DIMT1: variants seen among roughly 807,000 people sequenced by gnomAD.
DIMT1 encodes DIM1 rRNA methyltransferase and ribosome maturation factor.
A neutral mutation model predicts 43.2 loss-of-function variants in DIMT1; 36 were observed. The ratio of observed to expected loss-of-function variants is 0.83; its 90% CI spans 0.64 to 1.10. The LOEUF is 1.10. Ranked by LOEUF, DIMT1 falls within the 50% of genes least tolerant of loss-of-function variation. The pLI is 0.00. For synonymous variants in DIMT1, 126 were observed against 130.3 expected, an observed-to-expected ratio of 0.97 and a Z score of 0.22; for missense variants, 341 against 385.3, an observed-to-expected ratio of 0.88 and a Z score of 0.96.
chr5:62,390,695 C>T (rs1457906267), intron 11 of DIMT1, among the ~76,000 whole-genome samples, 181 bp downstream of exon 11: 1 of 152,106 alleles, frequency 6.6e-6, no homozygotes, highest in East Asian at 1.9e-4. Context: ...AGAAAATGTT[C>T]ATTCTGCTGC....
intron 8 of DIMT1, 65 bp from the exon 9 acceptor site, chr5:62,393,055 G>A: frequency 1.9e-6 from 2 of 1,064,914 alleles, no homozygotes; most frequent in South Asian, 1.4e-5. Flanking sequence ...TGCCCACTAG[G>A]TATTATTTTG....
In DIMT1 at chr5:62,392,936, C is replaced by T. The variant is rs1561289261; in HGVS notation, c.718G>A (p.Ala240Thr). The change falls in exon 9 of 12, where the codon GCT becomes ACT. Residue 240 changes from alanine (A) to threonine (T), a missense_variant. Transcript: ENST00000199320. ...TAGTGTAATACTTACTTAAATGCAG[C>T]AGAGAGTGTCTTGTTTTTCCTAACA... ...TFVRKNKTLS[A>T]AFKSSAVQQL... is the part of the protein sequence containing the mutation. 1 of 1,607,236 alleles carries T rather than the reference C, an allele frequency of 6.2e-7. No individual in the cohort carries two copies. The highest frequency in any genetic ancestry group is 1.7e-5 in the Admixed American group (1 of 59,950).
rs540674586 is a variant in DIMT1 at position 62,396,418 on chromosome 5, G to A, written c.447-1811C>T. On this transcript the variant is annotated intron_variant, in intron 6 of 11. Coordinates refer to ENST00000199320, the MANE Select transcript of DIMT1 (RefSeq NM_014473.4). Reference sequence around the variant, plus strand: ...AGCTACTTGGGAGGCTGAGGTGGGAGGAATGCTTGAGCCCAGGAAGTGGAG... The same window carrying A: ...AGCTACTTGGGAGGCTGAGGTGGGAAGAATGCTTGAGCCCAGGAAGTGGAG... Among the ~76,000 whole-genome samples, 3 of 152,208 alleles carry A rather than the reference G, an allele frequency of 2.0e-5. No individual in the cohort carries two copies. The South Asian group carries it at 6.2e-4, about 32-fold the overall frequency.
chr5:62,396,038 A>G (rs1742474532), intron 6 of DIMT1, among the ~76,000 whole-genome samples: 1 of 151,702 alleles, frequency 6.6e-6, no homozygotes, highest in Non-Finnish European at 1.5e-5. Flanking sequence ...ATTCAACATA[A>G]GCTCCATCAA....
At chr5:62,402,683 G>A (rs368953243) in intron 2 of DIMT1, among the ~76,000 whole-genome samples, 3 of 152,024 alleles carry the variant, frequency 2.0e-5, no homozygotes, top group Non-Finnish European at 4.4e-5. Context: ...CAAATGACAC[G>A]AAGCCTGACA....
intron 6 of DIMT1, among the ~76,000 whole-genome samples, chr5:62,396,002 A>G (rs1742473679): frequency 6.6e-6 from 1 of 152,100 alleles, no homozygotes; most frequent in Non-Finnish European, 1.5e-5. Context: ...AGAAAAAGAA[A>G]AAAAAGAAAA....
chr5:62,403,548 G>C (rs1198552548), intron 1 of DIMT1, 146 bp downstream of exon 1: 2 of 1,024,550 alleles, frequency 2.0e-6, no homozygotes, highest in Non-Finnish European at 2.8e-6. Flanking sequence ...GCCTGCGGCC[G>C]AGTCGGGGAC....
intron 8 of DIMT1, among the ~76,000 whole-genome samples, 192 bp from the exon 9 acceptor site, chr5:62,393,182 G>C (rs1406828158): frequency 6.6e-6 from 1 of 151,986 alleles, no homozygotes; most frequent in Non-Finnish European, 1.5e-5. Flanking sequence ...TTGCACTTTG[G>C]CGCATTTCAC....
At chr5:62,394,320 T>TA (rs1460274409) in intron 7 of DIMT1, among the ~76,000 whole-genome samples, 164 bp downstream of exon 7, 1 of 152,068 alleles carries the variant, frequency 6.6e-6, no homozygotes, top group East Asian at 1.9e-4. Context: ...ACCAAAAAAT[T>TA]AGTCAGGCGT....
chr5:62,398,296 G>C (rs901299785), intron 6 of DIMT1: 2 of 519,772 alleles, frequency 3.8e-6, no homozygotes, highest in South Asian at 5.5e-5. Context: ...TTCAAAAATA[G>C]GGAAAGGCTG....
At position 62,388,344 on chromosome 5, in the gene DIMT1, A is replaced by G; in HGVS notation, c.*666T>C. The G allele has an allele frequency of 6.6e-6, 1 of 152,156 alleles. No homozygotes were observed. Among genetic ancestry groups the G allele is most frequent in the East Asian group, 1.9e-4 (1 of 5,194 alleles). 9.4% of individuals were successfully genotyped at this position (152,156 alleles called of 1,614,324 possible). On this transcript the variant is annotated 3_prime_UTR_variant, in exon 12 of 12. Coordinates refer to ENST00000199320, the MANE Select transcript of DIMT1 (RefSeq NM_014473.4). ...AATTTCATTCCAGTTTAGCTTCCTC[A>G]TTTTACATGTTGGGAGTCATGCCCT...
In DIMT1 at chr5:62,388,000, T is replaced by C. The variant is rs1270529944; in HGVS notation, c.*1010A>G. On this transcript the variant is annotated 3_prime_UTR_variant, in exon 12 of 12. Coordinates refer to ENST00000199320, the MANE Select transcript of DIMT1 (RefSeq NM_014473.4). The stretch of plus-strand genomic sequence containing the variant: ...TTTTTTATAGAAACAAAATAGCTAC[T>C]ATAACTCTATTATAGTATATTAACA... 1.3e-5 allele frequency: 2 copies of C among 152,168 alleles called. No individual in the cohort carries two copies. The highest frequency in any genetic ancestry group is 4.8e-5 in the African/African-American group (2 of 41,464). 9.4% of individuals were successfully genotyped at this position (152,168 alleles called of 1,614,324 possible).
At chr5:62,393,061 T>C (rs1742363311) in intron 8 of DIMT1, 71 bp from the exon 9 acceptor site, 4 of 1,032,922 alleles carry the variant, frequency 3.9e-6, no homozygotes, top group African/African-American at 3.2e-5. Context: ...CTAGGTATTA[T>C]TTTGTCTTTT....
rs1022524801 is a variant in DIMT1 at position 62,401,298 on chromosome 5, C to T, written c.240+738G>A. ...ATCACCTGAGGTCAGGAGTTTAAGA[C>T]CAGTGTGGCCAACATGGTGAAACCG... On this transcript the variant is annotated intron_variant, in intron 3 of 11. Coordinates refer to ENST00000199320, the MANE Select transcript of DIMT1 (RefSeq NM_014473.4). Among the ~76,000 whole-genome samples the T allele has an allele frequency of 9.9e-5, 15 of 151,888 alleles. 1 individual carries two copies. Among genetic ancestry groups the T allele is most frequent in the Admixed American group, 9.2e-4 (14 of 15,258 alleles).
intron 6 of DIMT1, among the ~76,000 whole-genome samples, chr5:62,394,889 A>G (rs1742426205): frequency 6.6e-6 from 1 of 152,204 alleles, no homozygotes; most frequent in Admixed American, 6.5e-5. Context: ...CTTCTATGAA[A>G]ACAAAGTGAA....
At position 62,394,500 on chromosome 5, in the gene DIMT1, A is replaced by T; in HGVS notation, c.554T>A (p.Val185Glu). The T allele has an allele frequency of 6.2e-7, 1 of 1,614,186 alleles. No individual in the cohort carries two copies. The stretch of plus-strand genomic sequence containing the variant: ...TTCACTTACTTTCATTAGATGGTCC[A>T]CACGTGCCAACAGCTGTGTATTAAT... ...LSINTQLLAR[V>E]DHLMKVGKNN... Residue 185 changes from valine to glutamate, a missense_variant, in exon 7 of 12, where the codon GTG (valine) becomes GAG (glutamate). Val to Glu is a moderately radical substitution (Grantham distance 121, BLOSUM62 -2). Transcript: ENST00000199320.
rs1438310022 is a variant in DIMT1 at position 62,388,325 on chromosome 5, A to T, written c.*685T>A. 2 of 152,240 alleles carry T rather than the reference A, an allele frequency of 1.3e-5. No homozygotes were observed. Among genetic ancestry groups the T allele is most frequent in the African/African-American group, 2.4e-5 (1 of 41,466 alleles). 9.4% of individuals were successfully genotyped at this position (152,240 alleles called of 1,614,324 possible). The stretch of plus-strand genomic sequence containing the variant: ...AAAAGATAATTTTATTGTTAATTTC[A>T]TTCCAGTTTAGCTTCCTCATTTTAC... On this transcript the variant is annotated 3_prime_UTR_variant, in exon 12 of 12. Coordinates refer to ENST00000199320, the MANE Select transcript of DIMT1 (RefSeq NM_014473.4).
At position 62,394,570 on chromosome 5, in the gene DIMT1, G is replaced by C. The variant is rs757992850; in HGVS notation, c.484C>G (p.Arg162Gly). The C allele has an allele frequency of 6.2e-7, 1 of 1,614,160 alleles. No individual in the cohort carries two copies. The highest frequency in any genetic ancestry group is 8.5e-7 in the Non-Finnish European group (1 of 1,180,030). ...TTATCTCCAGGTTTTGCAACCAGTC[G>C]GAGGGCAAATTCTCTTTGAAACATA... is the stretch of plus-strand genomic sequence containing the variant. ...ILMFQREFAL[R>G]LVAKPGDKLY... The change falls in exon 7 of 12, where the codon CGA (arginine) becomes GGA (glycine). Residue 162 changes from arginine to glycine, a missense_variant. Physicochemically the swap from Arg to Gly is moderately radical, Grantham distance 125. Transcript: ENST00000199320.
At chr5:62,398,448 G>T in intron 6 of DIMT1, 63 bp downstream of exon 6, 1 of 1,552,480 alleles carries the variant, frequency 6.4e-7, no homozygotes, top group Admixed American at 1.7e-5. Context: ...TTTTGGCTAT[G>T]TTCACCACCT....
Sources: allele counts gnomAD v4.1 joint callset (sites outside exome capture counted in the v4.1 genomes callset), GRCh38; gene constraint gnomAD v4.1.1; transcripts MANE v1.5; gene names NCBI Gene and HGNC (gene_info 2026-07-23, HGNC 2026-07-21).